DLG2: variants seen among roughly 807,000 people sequenced by gnomAD.
DLG2 encodes disks large homolog 2.
Under a neutral mutation model 132.5 loss-of-function variants are expected in DLG2, and 45 were observed. That is an observed-to-expected ratio of 0.34 (90% CI 0.27 to 0.44). The LOEUF (loss-of-function observed/expected upper bound fraction) is 0.44, where lower values mean the gene tolerates loss of function less well. Among genes scored for constraint, DLG2 ranks in the 20% least tolerant of loss-of-function variants. The pLI, the probability that DLG2 is intolerant of heterozygous loss-of-function variation, is 1.00. For synonymous variants in DLG2, 424 were observed against 419.6 expected, an observed-to-expected ratio of 1.01 and a Z score of -0.13; for missense variants, 1,045 against 1,196.9, an observed-to-expected ratio of 0.87 and a Z score of 1.87.
At chr11:85,027,272 C>T (rs999403438) in intron 6 of DLG2, among the ~76,000 whole-genome samples, 2 of 134,846 alleles carry the variant, frequency 1.5e-5, no homozygotes, top group African/African-American at 2.8e-5. Flanking sequence ...ACACATACAT[C>T]AGAAAGAATT....
At chr11:84,228,507 T>C (rs2097042137) in intron 8 of DLG2, among the ~76,000 whole-genome samples, 1 of 152,152 alleles carries the variant, frequency 6.6e-6, no homozygotes. Context: ...TAATTCCAAG[T>C]GGTTCTTGGA....
chr11:85,239,405 T>C (rs2075764675), intron 4 of DLG2, among the ~76,000 whole-genome samples: 1 of 152,122 alleles, frequency 6.6e-6, no homozygotes, highest in Admixed American at 6.6e-5. Flanking sequence ...TATTTTATAG[T>C]AGTAAATGTT....
At chr11:84,869,167 G>C (rs1473572294) in intron 6 of DLG2, among the ~76,000 whole-genome samples, 1 of 152,104 alleles carries the variant, frequency 6.6e-6, no homozygotes, top group Admixed American at 6.5e-5. Context: ...CACATCATAC[G>C]GAATTGAACA....
chr11:85,566,867 C>G (rs1328999540), intron 3 of DLG2, among the ~76,000 whole-genome samples: 1 of 151,908 alleles, frequency 6.6e-6, no homozygotes, highest in Non-Finnish European at 1.5e-5. Flanking sequence ...GAGTAGGGAC[C>G]CAAATTCATT....
intron 19 of DLG2, among the ~76,000 whole-genome samples, chr11:83,609,211 C>G (rs1430557546): frequency 6.6e-6 from 1 of 152,220 alleles, no homozygotes; most frequent in Non-Finnish European, 1.5e-5. Flanking sequence ...TTGAAATAAA[C>G]TTAGAAGATT....
At position 84,705,702 on chromosome 11, in the gene DLG2, A is replaced by G. The variant is rs2059710425; in HGVS notation, c.358-170971T>C. Reference sequence around the variant, plus strand: ...ATTCATTTATTTGTTCATTCAATATATATTTATCAAATACCTCATTTTCCC... The same window carrying G: ...ATTCATTTATTTGTTCATTCAATATGTATTTATCAAATACCTCATTTTCCC... On this transcript the variant is annotated intron_variant, in intron 6 of 27. Transcript: ENST00000376104. 4.0e-5 allele frequency among the ~76,000 whole-genome samples: 6 copies of G among 151,740 alleles called. No homozygotes were observed. In the South Asian group the frequency reaches 1.2e-3, roughly 31 times the overall value.
At chr11:83,766,006 TA>T (rs1393115854) in intron 18 of DLG2, among the ~76,000 whole-genome samples, 1 of 152,224 alleles carries the variant, frequency 6.6e-6, no homozygotes, top group African/African-American at 2.4e-5. Context: ...TTTGCTCAGT[TA>T]CTTGGATGTT....
chr11:84,253,585 G>C (rs1363241726), intron 7 of DLG2, among the ~76,000 whole-genome samples: 2 of 152,056 alleles, frequency 1.3e-5, no homozygotes, highest in African/African-American at 4.8e-5. Flanking sequence ...CTAATAAGAG[G>C]CCTGTTTAGA....
chr11:84,537,083 T>C (rs1565228530), intron 6 of DLG2, among the ~76,000 whole-genome samples: 1 of 152,032 alleles, frequency 6.6e-6, no homozygotes, highest in East Asian at 1.9e-4. Context: ...CTACTATATA[T>C]GCTGAACCCC....
intron 8 of DLG2, among the ~76,000 whole-genome samples, chr11:84,188,097 A>C (rs1184323569): frequency 1.3e-5 from 2 of 152,158 alleles, no homozygotes; most frequent in Non-Finnish European, 1.5e-5. Context: ...CCAAATATGC[A>C]AAGTGGTCTT....
chr11:84,934,318 T>C (rs2048429497), intron 6 of DLG2, among the ~76,000 whole-genome samples: 1 of 151,946 alleles, frequency 6.6e-6, no homozygotes, highest in African/African-American at 2.4e-5. Context: ...ATCAAGAATA[T>C]TGGCCTGAAG....
Position 83,790,121 on chromosome 11 carries a change from C to G in DLG2, c.1723-3329G>C, listed in dbSNP as rs187690758. On this transcript the variant is annotated intron_variant, in intron 17 of 27. Transcript: ENST00000376104. ...GAACCGAGACACTGGCTTGGCCAGTCTGACAAGGTAAGTTGCAGATCCAGG... is the reference window on the plus strand; with the variant it reads ...GAACCGAGACACTGGCTTGGCCAGTGTGACAAGGTAAGTTGCAGATCCAGG... The G allele has an allele frequency of 4.4e-6, 4 of 904,164 alleles. No homozygotes were observed. The African/African-American group carries it at 5.1e-5, about 11-fold the overall frequency. 56.0% of individuals were successfully genotyped at this position (904,164 alleles called of 1,614,324 possible).
chr11:84,565,222 A>C (rs2099448057), intron 6 of DLG2, among the ~76,000 whole-genome samples: 1 of 152,204 alleles, frequency 6.6e-6, no homozygotes, highest in Non-Finnish European at 1.5e-5. Context: ...AATAGGTCTC[A>C]GTCAGTACTG....
intron 5 of DLG2, among the ~76,000 whole-genome samples, chr11:85,134,971 C>G (rs1179494858): frequency 6.6e-6 from 1 of 152,156 alleles, no homozygotes; most frequent in Non-Finnish European, 1.5e-5. Context: ...TTAGGTAACT[C>G]TGTCTTATGG....
intron 18 of DLG2, chr11:83,682,197 G>A (rs978575749): frequency 3.0e-6 from 3 of 985,346 alleles, no homozygotes; most frequent in Non-Finnish European, 3.6e-6. Context: ...GAGGAGGCAG[G>A]AGGCACCAAA....
chr11:85,303,109 AT>A (rs2079707049), intron 3 of DLG2, among the ~76,000 whole-genome samples: 1 of 152,164 alleles, frequency 6.6e-6, no homozygotes, highest in East Asian at 1.9e-4. Context: ...TTAGAAGGAC[AT>A]TTTAGGCTTC....
chr11:85,150,917 G>A (rs961488355), intron 5 of DLG2, among the ~76,000 whole-genome samples: 5 of 151,936 alleles, frequency 3.3e-5, no homozygotes, highest in East Asian at 3.9e-4. Flanking sequence ...TGGATCGTAC[G>A]GTATTTCTAT....
intron 10 of DLG2, among the ~76,000 whole-genome samples, chr11:84,075,119 C>T (rs1055786475): frequency 2.0e-5 from 3 of 152,052 alleles, no homozygotes; most frequent in African/African-American, 7.2e-5. Flanking sequence ...TTGGCTAGCT[C>T]CTATTTGTCA....
At chr11:84,378,615 T>C (rs747511249) in intron 7 of DLG2, among the ~76,000 whole-genome samples, 1 of 151,852 alleles carries the variant, frequency 6.6e-6, no homozygotes, top group African/African-American at 2.4e-5. Flanking sequence ...AAATTCACAC[T>C]GTGTGTTCTA....
Sources: gnomAD v4.1 joint callset for allele counts (sites outside exome capture counted in the v4.1 genomes callset) on GRCh38, gnomAD v4.1.1 for gene constraint, MANE v1.5 for transcripts, NCBI Gene and HGNC (gene_info 2026-07-23, HGNC 2026-07-21) for gene names.